The following SHROOM2 variants were observed in gnomAD, a reference collection of about 807,000 sequenced individuals.
The protein encoded by SHROOM2 is shroom family member 2, also known as protein Shroom2.
In SHROOM2, 33 loss-of-function variants were observed where a neutral mutation model predicts 75.9. That is an observed-to-expected ratio of 0.43 (90% CI 0.33 to 0.58). SHROOM2 has a LOEUF of 0.58. SHROOM2 is among the 20% of genes least tolerant of loss of function. The probability of loss-of-function intolerance (pLI) is 0.04; values close to 1 mark genes in which losing one functional copy is unlikely to be tolerated. For missense variants in SHROOM2, 1,434 were observed against 1,461.2 expected (o/e 0.98, Z 0.30); for synonymous variants, 655 against 663.6 (o/e 0.99, Z 0.20).
intron 1 of SHROOM2, among the ~76,000 whole-genome samples, chrX:9,829,619 T>A (rs2083905417): frequency 8.9e-6 from 1 of 112,176 alleles, no homozygotes; most frequent in Admixed American, 9.5e-5. Flanking sequence ...GAGCCAGTCC[T>A]AGTACAAGGC....
chrX:9,823,756 C>CTTTTTTTTTTTTTTTT (rs1293537759), intron 1 of SHROOM2, among the ~76,000 whole-genome samples: 5 of 85,915 alleles, frequency 5.8e-5, no homozygotes, highest in Non-Finnish European at 8.9e-5. Context: ...TTTCTTTTTT[C>CTTTTTTTTTTTTTTTT]TTTTTTCTTT....
At chrX:9,887,148 G>GT (rs957696924) in intron 2 of SHROOM2, among the ~76,000 whole-genome samples, 1 of 111,976 alleles carries the variant, frequency 8.9e-6, no homozygotes, top group African/African-American at 3.3e-5. Flanking sequence ...TGTATTTTGG[G>GT]TTTTTTGGCT....
chrX:9,789,979 C>G (rs926671900), intron 1 of SHROOM2, among the ~76,000 whole-genome samples: 1 of 108,086 alleles, frequency 9.3e-6, no homozygotes, highest in Non-Finnish European at 1.9e-5. Flanking sequence ...AGGTCCCCCC[C>G]ACCTGACTCA....
chrX:9,932,957 G>A, intron 6 of SHROOM2, 87 bp downstream of exon 6: 1 of 807,208 alleles, frequency 1.2e-6, no homozygotes, highest in East Asian at 3.3e-5. Context: ...GAGTCACCTG[G>A]GCACCTTGCT....
In SHROOM2 at chrX:9,895,639, C is replaced by T. The variant is rs1412472833; in HGVS notation, c.1731C>T (p.Ser577=). ...TCACGTGGGCAGATGGGGAGAGCAG[C>T]AGGATCTGCCCGCAGGAGACGCCCC... ...ASITWADGES[S]RICPQETPLL... The change falls in exon 4 of 10, where the codon AGC becomes AGT. Residue 577 remains serine, a synonymous_variant. Transcript: ENST00000380913. 1 of 1,164,750 alleles carries T rather than the reference C, an allele frequency of 8.6e-7. No homozygotes were observed.
chrX:9,896,601 CGGATGACATCCT>C lies in SHROOM2; in HGVS notation c.2699_2710del (p.Asp900_Asp903del). ...AGGAGCTCTGGGCGCTGCCACTCAGCGGATGACATCCTGGATGTGAGCCTGGACCCACAGGAG... is the reference window on the plus strand; with the variant it reads ...AGGAGCTCTGGGCGCTGCCACTCAGCGGATGTGAGCCTGGACCCACAGGAG... On this transcript the variant is annotated inframe_deletion, in exon 4 of 10. Coordinates refer to ENST00000380913, the MANE Select transcript of SHROOM2 (RefSeq NM_001649.4). The C allele has an allele frequency of 8.3e-7, 1 of 1,209,787 alleles. No homozygotes were observed. Among genetic ancestry groups the C allele is most frequent in the Non-Finnish European group, 1.1e-6 (1 of 894,502 alleles).
At chrX:9,938,637 A>T (rs1330684048) in intron 7 of SHROOM2, among the ~76,000 whole-genome samples, 1 of 112,586 alleles carries the variant, frequency 8.9e-6, no homozygotes, top group Admixed American at 9.4e-5. Context: ...TAGCACTTTC[A>T]GCGTATCTCC....
intron 1 of SHROOM2, among the ~76,000 whole-genome samples, chrX:9,820,579 G>A (rs186927053): frequency 8.0e-4 from 89 of 111,758 alleles, no homozygotes; most frequent in Non-Finnish European, 1.3e-3. Context: ...TGCCCAGGCT[G>A]GTCTCAAACT....
At chrX:9,879,371 G>A (rs1454032018) in intron 2 of SHROOM2, among the ~76,000 whole-genome samples, 4 of 111,504 alleles carry the variant, frequency 3.6e-5, no homozygotes, top group African/African-American at 6.5e-5. Flanking sequence ...AGCGATTCTC[G>A]TGCCTCAGCC....
chrX:9,831,618 A>G (rs2083916718), intron 1 of SHROOM2, among the ~76,000 whole-genome samples: 2 of 112,461 alleles, frequency 1.8e-5, no homozygotes, highest in Admixed American at 1.9e-4. Flanking sequence ...AGATCGTGCC[A>G]TTGCACTCCA....
At chrX:9,877,139 T>C (rs1435839579) in intron 2 of SHROOM2, among the ~76,000 whole-genome samples, 3 of 111,883 alleles carry the variant, frequency 2.7e-5, no homozygotes, top group East Asian at 2.8e-4. Context: ...TGGCATCTTG[T>C]TTCACAGGCA....
At chrX:9,813,062 C>T (rs1006878883) in intron 1 of SHROOM2, among the ~76,000 whole-genome samples, 1 of 111,926 alleles carries the variant, frequency 8.9e-6, no homozygotes, top group African/African-American at 3.3e-5. Flanking sequence ...AATCACCACC[C>T]GTGTGTCTTT....
chrX:9,946,855 G>A lies in SHROOM2; in HGVS notation c.4769G>A (p.Arg1590Gln), dbSNP rs773254075. 42 of 1,197,589 alleles carry A rather than the reference G, an allele frequency of 3.5e-5. No individual in the cohort carries two copies. Among genetic ancestry groups the A allele is most frequent in the Non-Finnish European group, 4.1e-5 (36 of 888,389 alleles). Residue 1590 changes from arginine (R) to glutamine (Q), a missense_variant, in exon 10 of 10, where the codon CGG becomes CAG. Around this residue, in one of 3 missense-constraint regions of SHROOM2, gnomAD observed 80 missense variants for 88.4 expected, o/e 0.90. Transcript: ENST00000380913. ...KMKSALIIEQ[R>Q]ELEDKIHLGE... ...AAGTCGGCCCTCATCATCGAGCAGC[G>A]GGAGCTGGAAGATAAAATCCACCTT...
intron 2 of SHROOM2, among the ~76,000 whole-genome samples, chrX:9,889,658 G>A (rs182193335): frequency 8.9e-6 from 1 of 112,205 alleles, no homozygotes; most frequent in African/African-American, 3.2e-5. Flanking sequence ...GGACTGTGGC[G>A]GGGGAGCCCA....
chrX:9,863,333 C>T (rs1014320686), intron 1 of SHROOM2, among the ~76,000 whole-genome samples: 3 of 111,051 alleles, frequency 2.7e-5, no homozygotes, highest in East Asian at 2.8e-4. Context: ...TTCACCTAGC[C>T]GATCACCCAG....
intron 1 of SHROOM2, chrX:9,865,554 C>CTTTTTTTTTTTTTTT: frequency 2.3e-5 from 1 of 42,655 alleles, no homozygotes; most frequent in Non-Finnish European, 3.9e-5. Flanking sequence ...TTCCTGCTGC[C>CTTTTTTTTTTTTTTT]TTTTTTTTTT....
chrX:9,939,462 C>T (rs1195341175), intron 8 of SHROOM2, 96 bp downstream of exon 8: 4 of 780,762 alleles, frequency 5.1e-6, no homozygotes, highest in African/African-American at 2.1e-5. Context: ...CCCTGCACCA[C>T]GTGTCCCAGG....
chrX:9,901,195 C>T (rs1454466548), intron 5 of SHROOM2, among the ~76,000 whole-genome samples: 1 of 111,145 alleles, frequency 9.0e-6, no homozygotes, highest in Non-Finnish European at 1.9e-5. Flanking sequence ...TTATAAGGAC[C>T]CCAGTCCTAT....
chrX:9,884,240 C>A (rs113007098), intron 2 of SHROOM2, among the ~76,000 whole-genome samples: 1 of 110,737 alleles, frequency 9.0e-6, no homozygotes, highest in African/African-American at 3.3e-5. Flanking sequence ...CCAGCCAGTG[C>A]TCTTACTGTG....
Sources: gnomAD v4.1 joint callset for allele counts (sites outside exome capture counted in the v4.1 genomes callset) on GRCh38, gnomAD v4.1.1 for gene constraint, gnomAD v4.1.1 regional missense constraint, MANE v1.5 for transcripts, NCBI Gene and HGNC (gene_info 2026-07-23, HGNC 2026-07-21) for gene names.